Variants in MAGI1 observed in about 807,000 individuals in gnomAD.
MAGI1 encodes the protein membrane associated guanylate kinase, WW and PDZ domain containing 1.
Under a neutral mutation model 139.9 loss-of-function variants are expected in MAGI1, and 58 were observed. The observed-to-expected ratio is 0.41, with a 90% confidence interval of 0.34 to 0.52. The LOEUF (loss-of-function observed/expected upper bound fraction) is 0.52. MAGI1 is among the 20% of genes least tolerant of loss of function. MAGI1 has a pLI of 0.12. For missense variants in MAGI1, 1,874 were observed against 1,901.6 expected, an observed-to-expected ratio of 0.99 and a Z score of 0.27; for synonymous variants, 812 against 737.9, an observed-to-expected ratio of 1.10 and a Z score of -1.63.
chr3:65,734,683 A>C (rs12492298), intron 1 of MAGI1, among the ~76,000 whole-genome samples: 3,224 of 152,204 alleles, frequency 0.021, 49 homozygotes, highest in Non-Finnish European at 0.033. Flanking sequence ...ACTGTTTCCA[A>C]CACAAATATA....
chr3:65,870,716 G>GAAAA (rs112844485), intron 1 of MAGI1, among the ~76,000 whole-genome samples: 1 of 124,998 alleles, frequency 8.0e-6, no homozygotes, highest in African/African-American at 2.9e-5. Context: ...CCATTTTAGT[G>GAAAA]AAAAAAAAAA....
chr3:65,670,507 A>T (rs2086789836), intron 1 of MAGI1, among the ~76,000 whole-genome samples: 1 of 152,152 alleles, frequency 6.6e-6, no homozygotes, highest in African/African-American at 2.4e-5. Flanking sequence ...ACCCCAAAAT[A>T]ATTATTTATA....
At chr3:65,812,468 T>TCACACACACACACACACACACACACACA (rs1553711393) in intron 1 of MAGI1, among the ~76,000 whole-genome samples, 2 of 89,082 alleles carry the variant, frequency 2.2e-5, no homozygotes, top group Non-Finnish European at 5.3e-5. Flanking sequence ...TCTCTCTCTC[T>TCACACACACACACACACACACACACACA]CACACACACA....
At chr3:65,934,769 T>G (rs55693807) in intron 1 of MAGI1, among the ~76,000 whole-genome samples, 3 of 137,596 alleles carry the variant, frequency 2.2e-5, no homozygotes, top group Non-Finnish European at 3.1e-5. Context: ...AAAGTTGTTG[T>G]TTTTTTTTTT....
intron 1 of MAGI1, among the ~76,000 whole-genome samples, chr3:65,834,896 C>T (rs2042723646): frequency 2.0e-5 from 3 of 152,134 alleles, no homozygotes; most frequent in South Asian, 4.1e-4. Context: ...ATTAATACAG[C>T]CATTACTGCT....
intron 1 of MAGI1, among the ~76,000 whole-genome samples, chr3:65,783,492 A>G (rs60579120): frequency 0.042 from 6,323 of 151,950 alleles, 200 homozygotes; most frequent in African/African-American, 0.083. Flanking sequence ...CAGAAAGAAA[A>G]AAAAAAAATT....
rs957347122 is a variant in MAGI1 at position 65,359,807 on chromosome 3, C to T, written c.3634+1392G>A. 4.1e-6 allele frequency: 4 copies of T among 985,558 alleles called. No individual in the cohort carries two copies. The African/African-American group carries it at 7.0e-5, about 17-fold the overall frequency. 61.1% of individuals were successfully genotyped at this position (985,558 alleles called of 1,614,324 possible). A position where few individuals can be genotyped will look rare whatever the true frequency, so the allele number is the denominator to read the frequency against. On this transcript the variant is annotated intron_variant, in intron 22 of 22. Coordinates refer to ENST00000402939, the MANE Select transcript of MAGI1 (RefSeq NM_001033057.2). ...TTTGTTAGTGTTGGATTTTCATCCT[C>T]AGTGCAACAGACATAGGTTTTGAGA...
rs200229876 is a variant in MAGI1, at chr3:65,429,816, T to C, written c.1871A>G (p.Tyr624Cys). 7.8e-4 allele frequency: 1,254 copies of C among 1,613,988 alleles called. 4 individuals carry two copies. Among genetic ancestry groups the C allele is most frequent in the Admixed American group, 2.1e-3 (125 of 59,976 alleles). Reference sequence around the variant, plus strand: ...AGCCAAAGAAACAGTGTCATTAGGATAACCATGAGAACTATTTGAAGCCAC... The same window carrying C: ...AGCCAAAGAAACAGTGTCATTAGGACAACCATGAGAACTATTTGAAGCCAC... ...ADVASNSSHG[Y>C]PNDTVSLASS... Residue 624 changes from tyrosine to cysteine, a missense_variant, in exon 12 of 23, where the codon TAT becomes TGT. Around this residue, in one of 5 missense-constraint regions of MAGI1, gnomAD observed 482 missense variants for 509.6 expected, o/e 0.95. Coordinates refer to ENST00000402939, the MANE Select transcript of MAGI1 (RefSeq NM_001033057.2).
At chr3:65,464,288 A>C (rs1015682008) in intron 5 of MAGI1, among the ~76,000 whole-genome samples, 3 of 151,898 alleles carry the variant, frequency 2.0e-5, no homozygotes, top group Non-Finnish European at 4.4e-5. Context: ...TTTGAGCTTA[A>C]GTTATTCTTC....
At chr3:65,887,496 C>T (rs1412346022) in intron 1 of MAGI1, among the ~76,000 whole-genome samples, 1 of 150,996 alleles carries the variant, frequency 6.6e-6, no homozygotes, top group Non-Finnish European at 1.5e-5. Context: ...AAACCTGTAA[C>T]TTCTACTGTG....
chr3:65,481,615 T>C (rs542443001), intron 3 of MAGI1, among the ~76,000 whole-genome samples: 3 of 152,354 alleles, frequency 2.0e-5, no homozygotes, highest in Non-Finnish European at 4.4e-5. Context: ...TACTGAAAGA[T>C]GTGGAACCCC....
At chr3:65,447,711 C>T (rs537666427) in intron 7 of MAGI1, among the ~76,000 whole-genome samples, 2 of 152,316 alleles carry the variant, frequency 1.3e-5, no homozygotes, top group East Asian at 3.9e-4. Context: ...AGGGACACAG[C>T]GAGCATCTCT....
At chr3:65,991,961 G>A (rs2066204194) in intron 1 of MAGI1, among the ~76,000 whole-genome samples, 1 of 152,092 alleles carries the variant, frequency 6.6e-6, no homozygotes. Context: ...GTTGCAGTGA[G>A]CCGAGATCGC....
At chr3:65,979,095 C>CCCCA (rs1017886179) in intron 1 of MAGI1, among the ~76,000 whole-genome samples, 2 of 57,750 alleles carry the variant, frequency 3.5e-5, no homozygotes, top group Non-Finnish European at 8.2e-5. Context: ...TCTTCCCCCC[C>CCCCA]CCCGCCACCC....
At chr3:65,981,728 T>C (rs974642967) in intron 1 of MAGI1, among the ~76,000 whole-genome samples, 6 of 152,144 alleles carry the variant, frequency 3.9e-5, no homozygotes, top group Non-Finnish European at 7.3e-5. Flanking sequence ...CAAGAACTGA[T>C]GGTTTTATAA....
chr3:66,013,499 A>C (rs994887261), intron 1 of MAGI1, among the ~76,000 whole-genome samples: 6 of 150,790 alleles, frequency 4.0e-5, no homozygotes, highest in Non-Finnish European at 5.9e-5. Flanking sequence ...CGGTGGCTCA[A>C]GCCTGTAATC....
intron 1 of MAGI1, among the ~76,000 whole-genome samples, chr3:65,666,919 T>C (rs553961296): frequency 2.0e-5 from 3 of 152,290 alleles, no homozygotes; most frequent in South Asian, 2.1e-4. Context: ...TGCGCTTCAA[T>C]ACCCTTTCCT....
At chr3:65,572,167 G>C (rs1427740911) in intron 2 of MAGI1, among the ~76,000 whole-genome samples, 1 of 152,002 alleles carries the variant, frequency 6.6e-6, no homozygotes, top group African/African-American at 2.4e-5. Context: ...TTATGTGCCA[G>C]GTACCATCCT....
chr3:65,598,006 G>A (rs2082307338), intron 2 of MAGI1: 1 of 435,396 alleles, frequency 2.3e-6, no homozygotes, highest in African/African-American at 2.0e-5. Context: ...TTTTTCGAGG[G>A]AAGAGGTGCT....
Sources: gnomAD v4.1 joint callset for allele counts (sites outside exome capture counted in the v4.1 genomes callset) on GRCh38, gnomAD v4.1.1 for gene constraint, gnomAD v4.1.1 regional missense constraint, MANE v1.5 for transcripts, NCBI Gene and HGNC (gene_info 2026-07-23, HGNC 2026-07-21) for gene names.